Variants in THBS3 observed in about 807,000 individuals in gnomAD.
The protein encoded by THBS3 is thrombospondin 3.
Under a neutral mutation model 118.3 loss-of-function variants are expected in THBS3, and 78 were observed. The observed-to-expected ratio is 0.66, with a 90% CI of 0.55 to 0.80. The LOEUF (loss-of-function observed/expected upper bound fraction) is 0.80, where lower values mean the gene tolerates loss of function less well. Ranked by LOEUF, THBS3 falls within the 30% of genes least tolerant of loss-of-function variation. The pLI, the probability that THBS3 is intolerant of heterozygous loss-of-function variation, is 0.00. For synonymous variants in THBS3, 427 were observed against 475.3 expected (o/e 0.90, Z 1.32); for missense variants, 1,057 against 1,247.4 (o/e 0.85, Z 2.30).
intron 4 of THBS3, 33 bp downstream of exon 4, chr1:155,204,822 G>C (rs773318635): frequency 6.3e-7 from 1 of 1,590,720 alleles, no homozygotes; most frequent in Non-Finnish European, 8.6e-7. Flanking sequence ...CAGGATCCGT[G>C]GTCCAATGTC....
intron 16 of THBS3, chr1:155,198,852 G>A: frequency 2.3e-6 from 1 of 440,488 alleles, no homozygotes; most frequent in Non-Finnish European, 4.0e-6. Flanking sequence ...GGGCACAGTG[G>A]CTCATGCCTG....
chr1:155,208,036 G>A (rs1410668894), upstream of THBS3: 3 of 617,612 alleles, frequency 4.9e-6, no homozygotes, highest in East Asian at 5.5e-5. Flanking sequence ...TCACCCTGGA[G>A]GCATCATCAG....
At chr1:155,208,955 G>A (rs34921532), upstream of THBS3, 1 of 1,609,162 alleles carries the variant, frequency 6.2e-7, no homozygotes, top group Non-Finnish European at 8.5e-7. Flanking sequence ...CGCGCCTTCA[G>A]GGGTTCGGGG....
At position 155,195,749 on chromosome 1, in the gene THBS3, G is replaced by T; in HGVS notation, c.*92C>A. The T allele has an allele frequency of 7.2e-7, 1 of 1,392,490 alleles. No homozygotes were observed. The highest frequency in any genetic ancestry group is 1.0e-6 in the Non-Finnish European group (1 of 999,706). 86.3% of individuals were successfully genotyped at this position (1,392,490 alleles called of 1,614,324 possible). A position where few individuals can be genotyped will look rare whatever the true frequency, so the allele number is the denominator to read the frequency against. The stretch of plus-strand genomic sequence containing the variant: ...GCCAGAGAAGGGTCTGTGGTTGGCT[G>T]AGGGGCTGTAGCTTAGACCTCAGGG... On this transcript the variant is annotated 3_prime_UTR_variant, in exon 23 of 23. Coordinates refer to ENST00000368378, the MANE Select transcript of THBS3 (RefSeq NM_007112.5).
rs1021129719 is a variant in THBS3 at position 155,205,188 on chromosome 1, G to A, written c.415C>T (p.Leu139=). ...AGTTTGCAGTCCACGTAGAGATGTA[G>A]GGCAGGGCTGGGTCTGGAGGGACCT... ...LRGPSRPSPA[L]HLYVDCKLGD... The change falls in exon 3 of 23, where the codon CTA becomes TTA. Residue 139 remains leucine (L), a synonymous_variant. Transcript: ENST00000368378. The A allele has an allele frequency of 2.5e-6, 4 of 1,614,102 alleles. No individual in the cohort carries two copies. Among genetic ancestry groups the A allele is most frequent in the African/African-American group, 1.3e-5 (1 of 74,946 alleles).
Position 155,202,355 on chromosome 1 carries a change from G to C in THBS3, c.1004C>G (p.Thr335Ser), listed in dbSNP as rs764684075. ...PCFPGSSCIN[T>S]MPGFHCEACP... ...GGCCTCACAGTGGAAGCCGGGCATG[G>C]TGTTGATGCAGCTGGAGCCCGGGAA... The change falls in exon 9 of 23, where the codon ACC becomes AGC. Residue 335 changes from threonine (T) to serine (S), a missense_variant. This residue lies in a region of THBS3 where 544 missense variants were observed against 715.6 expected (regional missense o/e 0.76). Coordinates refer to ENST00000368378, the MANE Select transcript of THBS3 (RefSeq NM_007112.5). The surrounding 1 kb of genome is among the most constrained non-coding windows in gnomAD (Gnocchi z 5.5). 2.5e-6 allele frequency: 4 copies of C among 1,613,978 alleles called. No homozygotes were observed. Among genetic ancestry groups the C allele is most frequent in the Non-Finnish European group, 3.4e-6 (4 of 1,180,038 alleles).
chr1:155,206,100 A>C lies in THBS3; in HGVS notation c.286+100T>G. ...ACAGCCTGATGGGACCTTGGTCCCT[A>C]GTGGAGGCCAAGGAGAATGAGGAAG... is the stretch of plus-strand genomic sequence containing the variant. On this transcript the variant is annotated intron_variant, in intron 2 of 22. Transcript: ENST00000368378. This position sits in a 1 kb window ranked among gnomAD's most constrained non-coding sequence, Gnocchi z 4.2. 7.1e-7 allele frequency: 1 copy of C among 1,404,130 alleles called. No individual in the cohort carries two copies. Among genetic ancestry groups the C allele is most frequent in the Non-Finnish European group, 9.8e-7 (1 of 1,015,788 alleles). 87.0% of individuals were successfully genotyped at this position (1,404,130 alleles called of 1,614,324 possible). A position where few individuals can be genotyped will look rare whatever the true frequency, so the allele number is the denominator to read the frequency against.
chr1:155,200,339 C>A, intron 14 of THBS3, 112 bp downstream of exon 14: 1 of 1,410,324 alleles, frequency 7.1e-7, no homozygotes. Flanking sequence ...AGGCCAACGT[C>A]CACAAGCCTG....
rs1346798838 is a variant in THBS3 at position 155,205,054 on chromosome 1, G to T, written c.543+6C>A. On this transcript the variant is annotated splice_donor_region_variant and intron_variant, in intron 3 of 22. Coordinates refer to ENST00000368378, the MANE Select transcript of THBS3 (RefSeq NM_007112.5). Reference sequence around the variant, plus strand: ...CCACAGAACTCAGAGGCTCCTCCCGGCTCACCTGCATCCTCAAATACGCCT... The same window carrying T: ...CCACAGAACTCAGAGGCTCCTCCCGTCTCACCTGCATCCTCAAATACGCCT... The T allele has an allele frequency of 1.2e-6, 2 of 1,612,848 alleles. No individual in the cohort carries two copies. Among genetic ancestry groups the T allele is most frequent in the South Asian group, 2.2e-5 (2 of 91,030 alleles).
chr1:155,208,833 C>A, upstream of THBS3: 1 of 1,582,596 alleles, frequency 6.3e-7, no homozygotes, highest in Non-Finnish European at 8.6e-7. Flanking sequence ...CCCCGCAGTC[C>A]CCGCTCGGGG....
At position 155,206,296 on chromosome 1, in the gene THBS3, G is replaced by A. The variant is rs1661194265; in HGVS notation, c.190C>T (p.Leu64=). 2 of 1,614,070 alleles carry A rather than the reference G, an allele frequency of 1.2e-6. No individual in the cohort carries two copies. Among genetic ancestry groups the A allele is most frequent in the South Asian group, 2.2e-5 (2 of 91,092 alleles). The change falls in exon 2 of 23, where the codon CTG becomes TTG. Residue 64 remains leucine, a synonymous_variant. Transcript: ENST00000368378. The surrounding 1 kb of genome is among the most constrained non-coding windows in gnomAD (Gnocchi z 4.2). ...AGGACACCACCCTGCTTGGGGGGCA[G>A]GCGGAAGGTGGATAAGAGGTAGATG... is the stretch of plus-strand genomic sequence containing the variant. ...GDIYLLSTFR[L]PPKQGGVLFG...
Position 155,197,909 on chromosome 1 carries a change from G to A in THBS3, c.2273C>T (p.Thr758Ile), listed in dbSNP as rs754650696. The change falls in exon 19 of 23, where the codon ACC (threonine) becomes ATC (isoleucine). Residue 758 changes from threonine (T) to isoleucine (I), a missense_variant. This residue lies in a region of THBS3 where 307 missense variants were observed against 326.1 expected (regional missense o/e 0.94). Transcript: ENST00000368378. This position sits in a 1 kb window ranked among gnomAD's most constrained non-coding sequence, Gnocchi z 5.0. Reference sequence around the variant, plus strand: ...TGCCAAGCCAGGGTCACTGTTCATGGTCTGAACGATTTCCATGCCCTGGGG... The same window carrying A: ...TGCCAAGCCAGGGTCACTGTTCATGATCTGAACGATTTCCATGCCCTGGGG... ...VLNQGMEIVQ[T>I]MNSDPGLAVG... 8.1e-6 allele frequency: 13 copies of A among 1,613,956 alleles called. No homozygotes were observed. Among genetic ancestry groups the A allele is most frequent in the African/African-American group, 6.7e-5 (5 of 74,884 alleles).
Position 155,197,270 on chromosome 1 carries a change from A to C in THBS3, c.2500-57T>G. ...CTGCAGAACTGGAGTGAGGGGAGAC[A>C]ACAGGTCGGTAAGTGCAGGTGGGAA... On this transcript the variant is annotated intron_variant, in intron 20 of 22. Coordinates refer to ENST00000368378, the MANE Select transcript of THBS3 (RefSeq NM_007112.5). The surrounding 1 kb of genome is among the most constrained non-coding windows in gnomAD (Gnocchi z 5.0). 1 of 1,594,622 alleles carries C rather than the reference A, an allele frequency of 6.3e-7. No homozygotes were observed. Among genetic ancestry groups the C allele is most frequent in the South Asian group, 1.1e-5 (1 of 90,060 alleles).
In THBS3 at chr1:155,202,435, G is replaced by T. The variant is rs377252492; in HGVS notation, c.958-34C>A. The T allele has an allele frequency of 1.9e-6, 3 of 1,607,186 alleles. No individual in the cohort carries two copies. The South Asian group carries it at 3.3e-5, about 18-fold the overall frequency. ...CAGATGAGAAGGCAGAGGTCAGGCC[G>T]CCCTCTGGGAAACTCAGGTCCCTGC... On this transcript the variant is annotated intron_variant, in intron 8 of 22. Transcript: ENST00000368378. This position sits in a 1 kb window ranked among gnomAD's most constrained non-coding sequence, Gnocchi z 5.5.
Position 155,202,806 on chromosome 1 carries a change from C to T in THBS3, c.957+6G>A. 2 of 1,609,476 alleles carry T rather than the reference C, an allele frequency of 1.2e-6. No individual in the cohort carries two copies. Among genetic ancestry groups the T allele is most frequent in the East Asian group, 2.2e-5 (1 of 44,822 alleles). ...CTGTACCCTTCTGGGCTCTGACCTC[C>T]CTCACCTCATTGATGTCACTGCAGT... On this transcript the variant is annotated splice_donor_region_variant and intron_variant, in intron 8 of 22. Coordinates refer to ENST00000368378, the MANE Select transcript of THBS3 (RefSeq NM_007112.5). The surrounding 1 kb of genome is among the most constrained non-coding windows in gnomAD (Gnocchi z 5.5).
rs755244708 is a variant in THBS3 at position 155,199,995 on chromosome 1, C to T, written c.1827G>A (p.Gln609=). The T allele has an allele frequency of 6.3e-7, 1 of 1,599,460 alleles. No homozygotes were observed. Among genetic ancestry groups the T allele is most frequent in the African/African-American group, 1.3e-5 (1 of 74,724 alleles). The change falls in exon 15 of 23, where the codon CAG becomes CAA. Residue 609 remains glutamine, a splice_region_variant and synonymous_variant. Coordinates refer to ENST00000368378, the MANE Select transcript of THBS3 (RefSeq NM_007112.5). ...CCCTGTCCTTACCATCTCCCTGTAC[C>T]TGGGTAGGATTGCTCATTTCAGGGC... ...DSCPEMSNPT[Q]TDADSDLVGD...
chr1:155,205,209 G>C lies in THBS3; in HGVS notation c.394C>G (p.Pro132Ala). 1 of 1,614,202 alleles carries C rather than the reference G, an allele frequency of 6.2e-7. No individual in the cohort carries two copies. Among genetic ancestry groups the C allele is most frequent in the Non-Finnish European group, 8.5e-7 (1 of 1,180,042 alleles). Residue 132 changes from proline to alanine, a missense_variant, in exon 3 of 23, where the codon CCC becomes GCC. This residue lies in a region of THBS3 where 206 missense variants were observed against 205.7 expected (regional missense o/e 1.00). Coordinates refer to ENST00000368378, the MANE Select transcript of THBS3 (RefSeq NM_007112.5). ...THTVLLRLRG[P>A]SRPSPALHLY... ...TGTAGGGCAGGGCTGGGTCTGGAGGGACCTCGGAGTCGCAGGAGAACTGTG... is the reference window on the plus strand; with the variant it reads ...TGTAGGGCAGGGCTGGGTCTGGAGGCACCTCGGAGTCGCAGGAGAACTGTG...
rs769079657 is a variant in THBS3 at position 155,197,153 on chromosome 1, G to A, written c.2560C>T (p.His854Tyr). The A allele has an allele frequency of 6.2e-6, 10 of 1,614,180 alleles. No individual in the cohort carries two copies. The highest frequency in any genetic ancestry group is 8.5e-6 in the Non-Finnish European group (10 of 1,180,024). The part of the protein sequence containing the change: ...HLRNALWHTG[H>Y]TPDQVRLLWT... Reference sequence around the variant, plus strand: ...AGCAGTCGTACCTGATCAGGGGTGTGGCCAGTATGCCACAGGGCATTTCGG... The same window carrying A: ...AGCAGTCGTACCTGATCAGGGGTGTAGCCAGTATGCCACAGGGCATTTCGG... The change falls in exon 21 of 23, where the codon CAC becomes TAC. Residue 854 changes from histidine (H) to tyrosine (Y), a missense_variant. Physicochemically the swap from His to Tyr is moderately conservative, Grantham distance 83. Around this residue, in one of 3 missense-constraint regions of THBS3, gnomAD observed 307 missense variants for 326.1 expected, o/e 0.94. Coordinates refer to ENST00000368378, the MANE Select transcript of THBS3 (RefSeq NM_007112.5). The surrounding 1 kb of genome is among the most constrained non-coding windows in gnomAD (Gnocchi z 5.0).
At chr1:155,196,441 A>C in intron 21 of THBS3, 1 of 381,196 alleles carries the variant, frequency 2.6e-6, no homozygotes, top group South Asian at 3.9e-5. Flanking sequence ...GCTCTAGTCC[A>C]CCCCCTTTTA....
Sources: allele counts gnomAD v4.1 joint callset, GRCh38; gene constraint gnomAD v4.1.1; regional missense constraint gnomAD v4.1.1; non-coding constraint Gnocchi (gnomAD v3.1); transcripts MANE v1.5; gene names NCBI Gene and HGNC (gene_info 2026-07-23, HGNC 2026-07-21).